Variants in CLEC16A observed in about 807,000 individuals in gnomAD.
The protein encoded by CLEC16A is C-type lectin domain containing 16A.
Under a neutral mutation model 109.5 loss-of-function variants are expected in CLEC16A, and 51 were observed. The ratio of observed to expected loss-of-function variants is 0.47; its 90% CI spans 0.37 to 0.59. The LOEUF (loss-of-function observed/expected upper bound fraction) is 0.59. Among genes scored for constraint, CLEC16A ranks in the 20% least tolerant of loss-of-function variants. The pLI, the probability that CLEC16A is intolerant of heterozygous loss-of-function variation, is 0.00. For missense variants in CLEC16A, 1,339 were observed against 1,394.0 expected (o/e 0.96, Z 0.63); for synonymous variants, 673 against 564.2 (o/e 1.19, Z -2.73).
intron 13 of CLEC16A, among the ~76,000 whole-genome samples, chr16:11,032,069 G>A (rs1462325579): frequency 2.0e-5 from 3 of 152,210 alleles, no homozygotes; most frequent in Non-Finnish European, 4.4e-5. Context: ...GCACAATAGA[G>A]GGTCACTTGC....
intron 16 of CLEC16A, among the ~76,000 whole-genome samples, chr16:11,044,875 A>C (rs1338033009): frequency 2.0e-5 from 3 of 150,668 alleles, no homozygotes; most frequent in African/African-American, 7.3e-5. Context: ...GCGGCGAGCC[A>C]AGATAGCGCC....
chr16:11,016,110 A>G (rs2045729331), intron 11 of CLEC16A, among the ~76,000 whole-genome samples: 3 of 151,990 alleles, frequency 2.0e-5, no homozygotes, highest in African/African-American at 7.2e-5. Context: ...TCATGCTAGT[A>G]TTATGGACAG....
intron 13 of CLEC16A, among the ~76,000 whole-genome samples, chr16:11,033,973 G>T (rs976080330): frequency 6.6e-6 from 1 of 152,132 alleles, no homozygotes; most frequent in African/African-American, 2.4e-5. Context: ...TATCTTGAAG[G>T]TTCCCCAGTT....
At position 11,114,128 on chromosome 16, in the gene CLEC16A, CGTGTGTGTGT is replaced by C. The variant is rs3030600; in HGVS notation, c.2117-6446_2117-6437del. ...TTTCCTGATTTCCCATGAGGATGGC[CGTGTGTGTGT>C]GTGTGTGTGTGTGTGTGTGTGTGTG... On this transcript the variant is annotated intron_variant, in intron 19 of 23. Coordinates refer to ENST00000409790, the MANE Select transcript of CLEC16A (RefSeq NM_015226.3). 2.8e-3 allele frequency among the ~76,000 whole-genome samples: 355 copies of C among 127,322 alleles called. 2 individuals carry two copies. The highest frequency in any genetic ancestry group is 0.017 in the East Asian group (68 of 4,098). The allele number at this position is 127,322 out of a possible 152,430, so 83.5% of individuals were successfully genotyped here.
chr16:10,947,552 C>A (rs1169911471), intron 1 of CLEC16A, among the ~76,000 whole-genome samples: 1 of 152,182 alleles, frequency 6.6e-6, no homozygotes, highest in East Asian at 1.9e-4. Flanking sequence ...TGACCAGGAC[C>A]CTGCGGGTTT....
chr16:11,169,039 C>T (rs1440500647), intron 23 of CLEC16A, among the ~76,000 whole-genome samples: 1 of 152,216 alleles, frequency 6.6e-6, no homozygotes, highest in Non-Finnish European at 1.5e-5. Context: ...CTCCTCCAAG[C>T]TCATTCATCC....
At chr16:10,980,796 G>T (rs1422507480) in intron 9 of CLEC16A, among the ~76,000 whole-genome samples, 9 of 152,124 alleles carry the variant, frequency 5.9e-5, no homozygotes, top group African/African-American at 2.2e-4. Flanking sequence ...TTAGCTTAAT[G>T]AAAATGTGAC....
chr16:11,115,171 G>C (rs1347905408), intron 19 of CLEC16A, among the ~76,000 whole-genome samples: 1 of 152,190 alleles, frequency 6.6e-6, no homozygotes, highest in African/African-American at 2.4e-5. Flanking sequence ...CGTTTTCCCA[G>C]ATCAAACTCT....
intron 20 of CLEC16A, among the ~76,000 whole-genome samples, chr16:11,123,479 A>G (rs1158033359): frequency 2.6e-5 from 4 of 152,158 alleles, no homozygotes; most frequent in African/African-American, 4.8e-5. Flanking sequence ...CCCAGTCCTC[A>G]TGGAAAACAG....
At chr16:11,024,734 C>T in intron 12 of CLEC16A, 87 bp from the exon 13 acceptor site, 1 of 999,062 alleles carries the variant, frequency 1.0e-6, no homozygotes, top group Non-Finnish European at 1.5e-6. Context: ...GTGTCAAAGG[C>T]AGCTAGCACC....
intron 17 of CLEC16A, chr16:11,047,945 C>A (rs923699922): frequency 6.6e-6 from 1 of 152,276 alleles, no homozygotes; most frequent in African/African-American, 2.4e-5. Flanking sequence ...AACTTACTCA[C>A]TATCATGAGA....
chr16:11,158,379 C>T (rs918860131), intron 22 of CLEC16A, among the ~76,000 whole-genome samples: 3 of 152,138 alleles, frequency 2.0e-5, no homozygotes, highest in African/African-American at 2.4e-5. Context: ...CAGCCCTCAG[C>T]GGGTTTTATA....
intron 22 of CLEC16A, among the ~76,000 whole-genome samples, chr16:11,151,385 G>A (rs1292732764): frequency 2.6e-5 from 4 of 152,212 alleles, no homozygotes; most frequent in Non-Finnish European, 4.4e-5. Context: ...CTGGGCCCTT[G>A]TCTTCATTCA....
At chr16:11,041,840 A>G (rs558812247) in intron 14 of CLEC16A, 44 of 161,378 alleles carry the variant, frequency 2.7e-4, no homozygotes, top group Admixed American at 1.0e-3. Context: ...GGGAATATGG[A>G]GCACCCCAAC....
intron 19 of CLEC16A, among the ~76,000 whole-genome samples, chr16:11,085,053 TG>T (rs2049935220): frequency 6.6e-6 from 1 of 152,140 alleles, no homozygotes; most frequent in Non-Finnish European, 1.5e-5. Context: ...TTGTCAGGCC[TG>T]GGGGAAGGGA....
At chr16:11,027,155 A>G in intron 13 of CLEC16A, 1 of 1,432,222 alleles carries the variant, frequency 7.0e-7, no homozygotes, top group Non-Finnish European at 9.7e-7. Context: ...AGAAGAAAGG[A>G]AAAGGGCTCA....
At position 10,971,009 on chromosome 16, in the gene CLEC16A, T is replaced by C. The variant is rs528276544; in HGVS notation, c.493-116T>C. On this transcript the variant is annotated intron_variant, in intron 4 of 23. Coordinates refer to ENST00000409790, the MANE Select transcript of CLEC16A (RefSeq NM_015226.3). ...TGACTTACGGTTCACATTGGCAACA[T>C]TTTTTTTTTTTTTTTTGTCTTTTTC... 9.2e-3 allele frequency: 541 copies of C among 58,748 alleles called. 1 individual carries two copies. Among genetic ancestry groups the C allele is most frequent in the Middle Eastern group, 0.028 (11 of 394 alleles). 3.6% of individuals were successfully genotyped at this position (58,748 alleles called of 1,614,324 possible).
intron 2 of CLEC16A, among the ~76,000 whole-genome samples, chr16:10,959,542 C>A (rs530078058): frequency 6.6e-6 from 1 of 151,824 alleles, no homozygotes; most frequent in South Asian, 2.1e-4. Context: ...CAGGCATGCA[C>A]CACCACGTGG....
intron 22 of CLEC16A, among the ~76,000 whole-genome samples, chr16:11,162,844 G>A (rs994457039): frequency 3.9e-5 from 6 of 152,216 alleles, no homozygotes; most frequent in Non-Finnish European, 8.8e-5. Context: ...AGTTCGGTAT[G>A]TGCATCCACC....
Sources: gnomAD v4.1 joint callset for allele counts (sites outside exome capture counted in the v4.1 genomes callset) on GRCh38, gnomAD v4.1.1 for gene constraint, MANE v1.5 for transcripts, NCBI Gene and HGNC (gene_info 2026-07-23, HGNC 2026-07-21) for gene names.